The following NXPE2 variants were observed in gnomAD, a reference collection of about 807,000 sequenced individuals.
NXPE2 encodes the protein neurexophilin and PC-esterase domain family member 2.
A neutral mutation model predicts 34.4 loss-of-function variants in NXPE2; 34 were observed. The observed-to-expected ratio is 0.99, with a 90% CI of 0.75 to 1.31. NXPE2 has a LOEUF of 1.31. NXPE2 is among the 40% of genes most tolerant of loss of function. NXPE2 has a pLI of 0.00. For missense variants in NXPE2, 649 were observed against 672.5 expected (o/e 0.97, Z 0.39); for synonymous variants, 235 against 231.3 (o/e 1.02, Z -0.15).
the NXPE2 span, among the ~76,000 whole-genome samples, chr11:114,753,331 T>C: frequency 6.6e-6 from 1 of 152,146 alleles, no homozygotes; most frequent in East Asian, 1.9e-4. Flanking sequence ...AAGTATAGGC[T>C]GCAGTGAGTC....
the NXPE2 span, chr11:114,528,029 A>G: frequency 1.6e-6 from 1 of 614,908 alleles, no homozygotes; most frequent in African/African-American, 1.9e-5. Context: ...ATTGTTGTAA[A>G]TTTTAGATAT....
At chr11:114,797,371 C>T in the NXPE2 span, among the ~76,000 whole-genome samples, 3 of 152,166 alleles carry the variant, frequency 2.0e-5, no homozygotes, top group Non-Finnish European at 4.4e-5. Context: ...TTTTAGCTGA[C>T]ACCCCACCTT....
chr11:114,561,344 G>T, the NXPE2 span, among the ~76,000 whole-genome samples: 1 of 152,140 alleles, frequency 6.6e-6, no homozygotes, highest in African/African-American at 2.4e-5. Context: ...CCCACTCAGC[G>T]TAACGTCCAC....
chr11:114,784,343 C>CATTA, the NXPE2 span, among the ~76,000 whole-genome samples: 1 of 152,078 alleles, frequency 6.6e-6, no homozygotes, highest in Admixed American at 6.6e-5. Flanking sequence ...CTTTCCTGGT[C>CATTA]ATTATCTGGG....
the NXPE2 span, among the ~76,000 whole-genome samples, chr11:114,537,228 C>A: frequency 6.6e-6 from 1 of 152,180 alleles, no homozygotes; most frequent in Non-Finnish European, 1.5e-5. Flanking sequence ...CAAAATTCAA[C>A]AACCCTTCAT....
the NXPE2 span, chr11:114,513,130 C>T: frequency 7.3e-6 from 4 of 551,086 alleles, no homozygotes; most frequent in African/African-American, 5.7e-5. Flanking sequence ...CTGGAGAGGA[C>T]ATCCTGGCCC....
the NXPE2 span, among the ~76,000 whole-genome samples, chr11:114,493,732 T>A: frequency 6.6e-6 from 1 of 150,416 alleles, no homozygotes; most frequent in Non-Finnish European, 1.5e-5. Flanking sequence ...CTACTCATGA[T>A]ATAGTTTATA....
the NXPE2 span, chr11:114,530,861 G>A: frequency 6.2e-7 from 1 of 1,613,658 alleles, no homozygotes; most frequent in Non-Finnish European, 8.5e-7. Context: ...ACTTTGCGGA[G>A]TTGTTCCAGT....
the NXPE2 span, among the ~76,000 whole-genome samples, chr11:114,605,276 C>T: frequency 6.6e-6 from 1 of 151,834 alleles, no homozygotes; most frequent in Non-Finnish European, 1.5e-5. Context: ...ACCACTGTTA[C>T]CTGGTGGATA....
At chr11:114,533,658 G>A in the NXPE2 span, among the ~76,000 whole-genome samples, 23 of 152,350 alleles carry the variant, frequency 1.5e-4, no homozygotes, top group South Asian at 8.3e-4. Flanking sequence ...TGGCTCAGAG[G>A]GTCCTACGCC....
At chr11:114,698,004 T>C in intron 2 of NXPE2, 41 bp from the exon 3 acceptor site, 6 of 1,434,394 alleles carry the variant, frequency 4.2e-6, no homozygotes, top group Non-Finnish European at 5.5e-6. Context: ...CAAGCCCTAT[T>C]GTTTGCTGAT....
At chr11:114,497,668 TACA>T in the NXPE2 span, among the ~76,000 whole-genome samples, 193 of 152,320 alleles carry the variant, frequency 1.3e-3, no homozygotes, top group African/African-American at 4.3e-3. Context: ...AACACTCTTG[TACA>T]ACAACAACAT....
the NXPE2 span, among the ~76,000 whole-genome samples, chr11:114,775,688 T>G: frequency 6.6e-6 from 1 of 152,090 alleles, no homozygotes; most frequent in East Asian, 1.9e-4. Context: ...TTCCCCTCTT[T>G]AATTTATACA....
At chr11:114,554,287 T>C in the NXPE2 span, 1 of 975,864 alleles carries the variant, frequency 1.0e-6, no homozygotes, top group South Asian at 4.7e-5. Flanking sequence ...TTCTCTGATA[T>C]GTAAGCAGAG....
At chr11:114,604,032 G>C in the NXPE2 span, among the ~76,000 whole-genome samples, 3 of 151,872 alleles carry the variant, frequency 2.0e-5, no homozygotes, top group African/African-American at 4.8e-5. Flanking sequence ...GTGGATAACA[G>C]TATTGCCTCA....
the NXPE2 span, among the ~76,000 whole-genome samples, chr11:114,572,751 A>T: frequency 6.6e-6 from 1 of 152,170 alleles, no homozygotes; most frequent in Non-Finnish European, 1.5e-5. Context: ...TGGTATTCCC[A>T]AGGAAGAAGA....
chr11:114,773,021 T>C, the NXPE2 span, among the ~76,000 whole-genome samples: 13 of 152,230 alleles, frequency 8.5e-5, no homozygotes, highest in Admixed American at 2.6e-4. Flanking sequence ...CTTGTGTGGT[T>C]GAGAGGATTT....
At chr11:114,757,459 C>A in the NXPE2 span, among the ~76,000 whole-genome samples, 4 of 152,068 alleles carry the variant, frequency 2.6e-5, no homozygotes, top group Non-Finnish European at 5.9e-5. Flanking sequence ...TTTCTTACCT[C>A]TTTTTCTCTC....
the NXPE2 span, among the ~76,000 whole-genome samples, chr11:114,652,625 G>A: frequency 4.6e-5 from 7 of 152,204 alleles, no homozygotes; most frequent in African/African-American, 1.7e-4. Flanking sequence ...TTGTCATCAG[G>A]AGGTAATAAA....
Sources: gnomAD v4.1 joint callset for allele counts (sites outside exome capture counted in the v4.1 genomes callset) on GRCh38, gnomAD v4.1.1 for gene constraint, MANE v1.5 for transcripts, NCBI Gene and HGNC (gene_info 2026-07-23, HGNC 2026-07-21) for gene names.